The following ADAMTSL1 variants were observed in gnomAD, a reference collection of about 807,000 sequenced individuals.
ADAMTSL1 encodes the protein ADAMTS like 1.
A neutral mutation model predicts 201.8 loss-of-function variants in ADAMTSL1; 126 were observed. The observed-to-expected ratio is 0.62, with a 90% CI of 0.54 to 0.72. The LOEUF is 0.72. Among genes scored for constraint, ADAMTSL1 ranks in the 30% least tolerant of loss-of-function variants. The pLI is 0.00. For synonymous variants in ADAMTSL1, 1,121 were observed against 903.4 expected (o/e 1.24, Z -4.32); for missense variants, 2,679 against 2,277.8 (o/e 1.18, Z -3.59).
At chr9:18,723,142 T>A (rs1268430005) in intron 15 of ADAMTSL1, 8 of 736,198 alleles carry the variant, frequency 1.1e-5, no homozygotes, top group Admixed American at 9.6e-5. Flanking sequence ...GCCCTTTATG[T>A]TTCCACATCT....
intron 3 of ADAMTSL1, among the ~76,000 whole-genome samples, chr9:18,544,166 A>G (rs10810985): frequency 0.32 from 48,878 of 152,030 alleles, 8,186 homozygotes; most frequent in East Asian, 0.63. Flanking sequence ...TCCTTTATAG[A>G]AATCAGTGCA....
chr9:17,938,970 G>A (rs1364875568), intron 1 of ADAMTSL1, among the ~76,000 whole-genome samples: 1 of 152,076 alleles, frequency 6.6e-6, no homozygotes, highest in African/African-American at 2.4e-5. Flanking sequence ...CTCTGTGCCT[G>A]TTGGGAGGGA....
At chr9:18,200,956 A>T (rs10963510) in intron 2 of ADAMTSL1, among the ~76,000 whole-genome samples, 1 of 151,868 alleles carries the variant, frequency 6.6e-6, no homozygotes, top group Non-Finnish European at 1.5e-5. Flanking sequence ...TCAAGACAAA[A>T]GAATATCTTT....
chr9:18,135,491 T>A (rs1156408369), intron 1 of ADAMTSL1, among the ~76,000 whole-genome samples: 1 of 152,102 alleles, frequency 6.6e-6, no homozygotes, highest in Non-Finnish European at 1.5e-5. Context: ...ATCCAGTTGT[T>A]TAACACATCA....
chr9:18,906,011 C>G, intron 27 of ADAMTSL1, 120 bp downstream of exon 27: 1 of 874,182 alleles, frequency 1.1e-6, no homozygotes, highest in East Asian at 2.7e-5. Context: ...GCCTGGGACT[C>G]CATCTCCATT....
intron 1 of ADAMTSL1, among the ~76,000 whole-genome samples, chr9:17,917,869 G>T (rs1826159600): frequency 1.3e-5 from 2 of 151,954 alleles, no homozygotes; most frequent in Admixed American, 6.6e-5. Flanking sequence ...GGGCTATTAG[G>T]GTTATCAATT....
intron 3 of ADAMTSL1, among the ~76,000 whole-genome samples, chr9:18,535,582 AT>A (rs1470210028): frequency 6.6e-6 from 1 of 152,152 alleles, no homozygotes; most frequent in Non-Finnish European, 1.5e-5. Context: ...TCCTGATACC[AT>A]TTTACTGTAT....
At chr9:17,992,031 C>T (rs1371159355) in intron 1 of ADAMTSL1, among the ~76,000 whole-genome samples, 2 of 152,128 alleles carry the variant, frequency 1.3e-5, no homozygotes, top group African/African-American at 4.8e-5. Flanking sequence ...GATTGCCCTT[C>T]CCTGCTCAGG....
intron 10 of ADAMTSL1, among the ~76,000 whole-genome samples, chr9:18,679,693 G>A (rs758952263): frequency 3.3e-5 from 5 of 152,174 alleles, no homozygotes; most frequent in Admixed American, 6.5e-5. Context: ...TAATATTAAC[G>A]CTTCTGCTCC....
At chr9:18,683,609 A>G (rs1446684953) in intron 12 of ADAMTSL1, among the ~76,000 whole-genome samples, 2 of 152,214 alleles carry the variant, frequency 1.3e-5, no homozygotes, top group Admixed American at 6.5e-5. Context: ...TTAAAATGTT[A>G]GCAAATCATT....
intron 1 of ADAMTSL1, among the ~76,000 whole-genome samples, chr9:17,998,086 T>C (rs1360878528): frequency 6.6e-6 from 1 of 152,096 alleles, no homozygotes; most frequent in Non-Finnish European, 1.5e-5. Flanking sequence ...CTTAGGCATC[T>C]CACATAGTCC....
intron 2 of ADAMTSL1, among the ~76,000 whole-genome samples, chr9:18,257,774 A>G (rs1831745653): frequency 1.3e-5 from 2 of 152,252 alleles, no homozygotes; most frequent in Admixed American, 1.3e-4. Context: ...GAGTAGATAA[A>G]TGAGGCCTAG....
chr9:18,524,423 A>G (rs1287266960), intron 2 of ADAMTSL1, among the ~76,000 whole-genome samples: 1 of 152,084 alleles, frequency 6.6e-6, no homozygotes, highest in African/African-American at 2.4e-5. Flanking sequence ...CTAATTGAAT[A>G]CCCTTTATTT....
chr9:18,379,609 A>G (rs557908634), intron 2 of ADAMTSL1, among the ~76,000 whole-genome samples: 54 of 152,326 alleles, frequency 3.5e-4, no homozygotes, highest in African/African-American at 1.3e-3. Flanking sequence ...ACAGGCATGG[A>G]TAGCCTGGGA....
intron 3 of ADAMTSL1, among the ~76,000 whole-genome samples, chr9:18,560,595 C>A (rs1347344222): frequency 6.6e-6 from 1 of 150,632 alleles, no homozygotes; most frequent in Non-Finnish European, 1.5e-5. Context: ...GTACCAGCTC[C>A]TCTTTGTACC....
intron 1 of ADAMTSL1, among the ~76,000 whole-genome samples, chr9:18,045,305 G>C (rs1821610601): frequency 6.6e-6 from 1 of 151,094 alleles, no homozygotes; most frequent in Admixed American, 6.6e-5. Flanking sequence ...GATGTGGTTG[G>C]TTATTCAACT....
chr9:18,177,661 G>T (rs568725050), intron 2 of ADAMTSL1, among the ~76,000 whole-genome samples: 1 of 152,272 alleles, frequency 6.6e-6, no homozygotes, highest in South Asian at 2.1e-4. Context: ...CTATATTCCA[G>T]CCAGTGAGAA....
At chr9:18,713,673 A>C (rs1832742769) in intron 14 of ADAMTSL1, among the ~76,000 whole-genome samples, 1 of 150,454 alleles carries the variant, frequency 6.6e-6, no homozygotes, top group African/African-American at 2.4e-5. Flanking sequence ...CCCCACTGTC[A>C]ACATTAGACG....
chr9:18,254,657 C>A lies in ADAMTSL1; in HGVS notation c.207+90676C>A, dbSNP rs2254784. Among the ~76,000 whole-genome samples the A allele has an allele frequency of 9.8e-3, 1,363 of 139,510 alleles. 26 individuals are homozygous for A. The highest frequency in any genetic ancestry group is 0.036 in the African/African-American group (1,294 of 36,406). The allele number at this position is 139,510 out of a possible 152,430, so 91.5% of individuals were successfully genotyped here. A position where few individuals can be genotyped will look rare whatever the true frequency, so the allele number is the denominator to read the frequency against. On this transcript the variant is annotated intron_variant, in intron 2 of 29. Coordinates refer to the ADAMTSL1 transcript ENST00000680146. ...GGATTACAGGCGTGAGCCACCGCGCCTGCCCCCCCGCCCCCCCCAGTACTC... is the reference window on the plus strand; with the variant it reads ...GGATTACAGGCGTGAGCCACCGCGCATGCCCCCCCGCCCCCCCCAGTACTC...
Sources: gnomAD v4.1 joint callset for allele counts (sites outside exome capture counted in the v4.1 genomes callset) on GRCh38, gnomAD v4.1.1 for gene constraint, MANE v1.5 for transcripts, NCBI Gene and HGNC (gene_info 2026-07-23, HGNC 2026-07-21) for gene names.